The following BAZ2B variants were observed in gnomAD, a reference collection of about 807,000 sequenced individuals.
The protein encoded by BAZ2B is bromodomain adjacent to zinc finger domain 2B.
A neutral mutation model predicts 246.0 loss-of-function variants in BAZ2B; 91 were observed. The observed-to-expected ratio is 0.37, with a 90% confidence interval of 0.31 to 0.44. The LOEUF is 0.44. Among genes scored for constraint, BAZ2B ranks in the 20% least tolerant of loss-of-function variants. The probability of loss-of-function intolerance (pLI) is 1.00; values close to 1 mark genes in which losing one functional copy is unlikely to be tolerated. For missense variants in BAZ2B, 2,332 were observed against 2,533.7 expected (o/e 0.92, Z 1.71); for synonymous variants, 855 against 860.0 (o/e 0.99, Z 0.10).
chr2:159,684,570 T>C, the BAZ2B span, among the ~76,000 whole-genome samples: 13 of 152,340 alleles, frequency 8.5e-5, no homozygotes, highest in South Asian at 6.2e-4. Context: ...GGTGCAATCA[T>C]GGTCCACTGC....
chr2:159,332,857 C>T, intron 33 of BAZ2B, 171 bp from the exon 34 acceptor site: 1 of 725,440 alleles, frequency 1.4e-6, no homozygotes, highest in East Asian at 2.8e-5. Flanking sequence ...AGATATGGAC[C>T]ACATGACGGG....
the BAZ2B span, among the ~76,000 whole-genome samples, chr2:159,663,433 C>A: frequency 6.6e-6 from 1 of 151,618 alleles, no homozygotes; most frequent in Non-Finnish European, 1.5e-5. Flanking sequence ...AAACTCCTGA[C>A]CTCAGGTGAT....
chr2:159,432,375 C>A (rs1181053615), intron 9 of BAZ2B, among the ~76,000 whole-genome samples: 1 of 116,198 alleles, frequency 8.6e-6, no homozygotes, highest in African/African-American at 2.6e-5. Context: ...TTGGTACTTT[C>A]TGAATGACGA....
At chr2:159,389,081 C>A (rs2149577740) in intron 21 of BAZ2B, among the ~76,000 whole-genome samples, 1 of 147,884 alleles carries the variant, frequency 6.8e-6, no homozygotes, top group South Asian at 2.2e-4. Context: ...CAGAGTAAGA[C>A]CCTGTCTGAA....
At chr2:159,483,878 C>T (rs527634888) in intron 2 of BAZ2B, among the ~76,000 whole-genome samples, 10 of 151,324 alleles carry the variant, frequency 6.6e-5, no homozygotes, top group South Asian at 4.2e-4. Context: ...CACAAATTAA[C>T]GCAAAACACT....
chr2:159,504,665 T>A (rs1177382297), intron 2 of BAZ2B, among the ~76,000 whole-genome samples: 1 of 152,222 alleles, frequency 6.6e-6, no homozygotes, highest in Admixed American at 6.5e-5. Flanking sequence ...AACACATCAA[T>A]ACCTTGGGAT....
At chr2:159,690,241 C>A in the BAZ2B span, 1 of 394,634 alleles carries the variant, frequency 2.5e-6, no homozygotes, top group South Asian at 2.2e-5. Context: ...ATCAATCTTT[C>A]TTAGAAAATA....
At chr2:159,701,650 ATTTT>A in the BAZ2B span, among the ~76,000 whole-genome samples, 6 of 147,922 alleles carry the variant, frequency 4.1e-5, no homozygotes, top group African/African-American at 1.5e-4. Context: ...TATAATATAT[ATTTT>A]TATAATACAT....
At chr2:159,465,443 C>T (rs540129800) in intron 3 of BAZ2B, among the ~76,000 whole-genome samples, 1 of 152,236 alleles carries the variant, frequency 6.6e-6, no homozygotes, top group East Asian at 1.9e-4. Context: ...ATAGTATTTG[C>T]TTTATTTTTA....
At chr2:159,463,155 A>T in intron 3 of BAZ2B, 1 of 628,740 alleles carries the variant, frequency 1.6e-6, no homozygotes, top group Non-Finnish European at 3.0e-6. Flanking sequence ...GCCGAATATC[A>T]CTGAATACTT....
At chr2:159,456,124 A>C (rs1163750284) in intron 3 of BAZ2B, among the ~76,000 whole-genome samples, 2 of 151,992 alleles carry the variant, frequency 1.3e-5, no homozygotes, top group Non-Finnish European at 2.9e-5. Flanking sequence ...AATTTGAGGG[A>C]AGTAACCTCA....
At chr2:159,445,044 A>G (rs2074029846) in intron 6 of BAZ2B, 2 of 152,202 alleles carry the variant, frequency 1.3e-5, no homozygotes, top group African/African-American at 2.4e-5. Context: ...AGTTAGATAA[A>G]TGAAACCTGG....
At chr2:159,624,665 C>G in the BAZ2B span, among the ~76,000 whole-genome samples, 1 of 152,096 alleles carries the variant, frequency 6.6e-6, no homozygotes, top group African/African-American at 2.4e-5. Flanking sequence ...ACTCAGAGAC[C>G]CCATCCAAAG....
intron 2 of BAZ2B, among the ~76,000 whole-genome samples, chr2:159,509,827 G>A (rs2082727704): frequency 2.0e-5 from 3 of 151,928 alleles, no homozygotes; most frequent in African/African-American, 7.3e-5. Context: ...ATATGGATAT[G>A]TATACACAAA....
chr2:159,631,975 C>T, the BAZ2B span, among the ~76,000 whole-genome samples: 1 of 151,992 alleles, frequency 6.6e-6, no homozygotes, highest in African/African-American at 2.4e-5. Flanking sequence ...TCTCATTGTC[C>T]TTTAACAGTT....
At chr2:159,438,867 T>G in intron 7 of BAZ2B, 142 bp downstream of exon 7, 2 of 1,224,734 alleles carry the variant, frequency 1.6e-6, no homozygotes, top group East Asian at 2.4e-5. Context: ...TTTAAAAACA[T>G]TTCTTCATCT....
chr2:159,573,724 G>T (rs1684566564), intron 1 of BAZ2B, among the ~76,000 whole-genome samples: 1 of 152,096 alleles, frequency 6.6e-6, no homozygotes, highest in Non-Finnish European at 1.5e-5. Context: ...CAGAATGGAA[G>T]AAAATATTTG....
intron 22 of BAZ2B, among the ~76,000 whole-genome samples, chr2:159,385,626 A>G (rs2062557714): frequency 6.6e-6 from 1 of 152,078 alleles, no homozygotes; most frequent in African/African-American, 2.4e-5. Flanking sequence ...CATGGGTAGC[A>G]GAAGTTTTAA....
At chr2:159,326,946 C>T (rs2063797611) in intron 34 of BAZ2B, among the ~76,000 whole-genome samples, 2 of 152,220 alleles carry the variant, frequency 1.3e-5, no homozygotes, top group South Asian at 4.1e-4. Flanking sequence ...ATATGTGGTA[C>T]ACACCAAACA....
Sources: allele counts gnomAD v4.1 joint callset (sites outside exome capture counted in the v4.1 genomes callset), GRCh38; gene constraint gnomAD v4.1.1; transcripts MANE v1.5; gene names NCBI Gene and HGNC (gene_info 2026-07-23, HGNC 2026-07-21).